The following NTM variants were observed in gnomAD, a reference collection of about 807,000 sequenced individuals.
NTM encodes IgLON family member 2.
In NTM, 13 loss-of-function variants were observed where a neutral mutation model predicts 42.1. The observed-to-expected ratio is 0.31, with a 90% CI of 0.20 to 0.49. The LOEUF (loss-of-function observed/expected upper bound fraction) is 0.49, where lower values mean the gene tolerates loss of function less well. NTM is among the 20% of genes least tolerant of loss of function. The pLI is 0.99. For missense variants in NTM, 373 were observed against 452.8 expected (o/e 0.82, Z 1.60); for synonymous variants, 187 against 179.2 (o/e 1.04, Z -0.35).
At chr11:132,331,618 A>C (rs947264198) in intron 8 of NTM, among the ~76,000 whole-genome samples, 1 of 152,214 alleles carries the variant, frequency 6.6e-6, no homozygotes, top group African/African-American at 2.4e-5. Flanking sequence ...GGCCAATGAG[A>C]TACAGACTCT....
At position 131,863,413 on chromosome 11, in the gene NTM, G is replaced by C. The variant is rs945167926; in HGVS notation, c.83-48151G>C. ...TTCTTGGGGTCCTCCTGACTCCACT[G>C]TGCAGCAGGCTGAGTGCAGTCAGAC... On this transcript the variant is annotated intron_variant, in intron 1 of 8. Transcript: ENST00000683400. 6.6e-5 allele frequency among the ~76,000 whole-genome samples: 10 copies of C among 152,150 alleles called. No homozygotes were observed. In the East Asian group the frequency reaches 1.9e-3, roughly 29 times the overall value.
At chr11:131,807,936 C>A (rs994273028) in intron 1 of NTM, among the ~76,000 whole-genome samples, 1 of 152,126 alleles carries the variant, frequency 6.6e-6, no homozygotes, top group Non-Finnish European at 1.5e-5. Flanking sequence ...CTATCACTTT[C>A]AATGTGTTGG....
chr11:131,604,241 C>A lies in NTM; in HGVS notation c.82+233353C>A, dbSNP rs117369955. 5.2e-3 allele frequency among the ~76,000 whole-genome samples: 789 copies of A among 152,252 alleles called. 6 individuals are homozygous for A. The highest frequency in any genetic ancestry group is 8.9e-3 in the Non-Finnish European group (605 of 68,010). Reference sequence around the variant, plus strand: ...CTTCCTCGTGGGTGTGAAGTGGTATCTCACTGTGGTTTTGATTTGCATTTC... The same window carrying A: ...CTTCCTCGTGGGTGTGAAGTGGTATATCACTGTGGTTTTGATTTGCATTTC... On this transcript the variant is annotated intron_variant, in intron 1 of 8. Transcript: ENST00000683400.
chr11:132,198,746 A>T (rs979033615), intron 3 of NTM, among the ~76,000 whole-genome samples: 10 of 152,224 alleles, frequency 6.6e-5, no homozygotes, highest in Non-Finnish European at 1.3e-4. Context: ...TGTGATATTT[A>T]TCAAGCATAA....
chr11:131,452,879 G>A (rs1204542285), intron 1 of NTM, among the ~76,000 whole-genome samples: 3 of 152,200 alleles, frequency 2.0e-5, no homozygotes, highest in Non-Finnish European at 2.9e-5. Flanking sequence ...CTTTCAGCAG[G>A]TGTGCAGGGC....
intron 1 of NTM, among the ~76,000 whole-genome samples, chr11:131,622,864 G>T (rs1318823545): frequency 6.6e-6 from 1 of 152,142 alleles, no homozygotes; most frequent in Non-Finnish European, 1.5e-5. Flanking sequence ...GCATTCATCT[G>T]CCAACATCAT....
At chr11:132,016,387 C>T (rs1593753776) in intron 2 of NTM, among the ~76,000 whole-genome samples, 1 of 152,038 alleles carries the variant, frequency 6.6e-6, no homozygotes, top group South Asian at 2.1e-4. Context: ...GATATGATTT[C>T]TGTATCTATA....
chr11:131,756,480 C>T (rs987023083), intron 1 of NTM, among the ~76,000 whole-genome samples: 16 of 150,960 alleles, frequency 1.1e-4, no homozygotes, highest in African/African-American at 2.9e-4. Context: ...GCCGAGATCA[C>T]GCCACTGCAC....
At chr11:131,836,661 G>C (rs961191707) in intron 1 of NTM, among the ~76,000 whole-genome samples, 1 of 152,132 alleles carries the variant, frequency 6.6e-6, no homozygotes, top group African/African-American at 2.4e-5. Context: ...AGTTGCTGCA[G>C]AAGTCAGTTA....
At chr11:132,051,128 A>T (rs1389395116) in intron 2 of NTM, among the ~76,000 whole-genome samples, 3 of 152,232 alleles carry the variant, frequency 2.0e-5, no homozygotes. Context: ...TGGTCGAGTA[A>T]CTTAATCTCT....
chr11:132,113,544 G>A (rs555038143), intron 2 of NTM, among the ~76,000 whole-genome samples: 13 of 152,210 alleles, frequency 8.5e-5, no homozygotes, highest in Admixed American at 3.9e-4. Context: ...GGATTCTCTC[G>A]CCGCACCCGC....
At chr11:131,951,865 C>G (rs1246112186) in intron 2 of NTM, among the ~76,000 whole-genome samples, 1 of 151,288 alleles carries the variant, frequency 6.6e-6, no homozygotes, top group Non-Finnish European at 1.5e-5. Context: ...ATCCACTACT[C>G]CCACCTCATA....
At chr11:131,916,868 G>A (rs758766461) in intron 2 of NTM, among the ~76,000 whole-genome samples, 9 of 152,174 alleles carry the variant, frequency 5.9e-5, no homozygotes, top group Non-Finnish European at 1.0e-4. Flanking sequence ...GCTGCAAAGC[G>A]TTTCCTCTTG....
At chr11:132,253,749 C>T (rs1476195721) in intron 4 of NTM, among the ~76,000 whole-genome samples, 2 of 152,298 alleles carry the variant, frequency 1.3e-5, no homozygotes, top group Non-Finnish European at 2.9e-5. Flanking sequence ...TCCCCCTCCT[C>T]TCAGAGACTG....
At chr11:131,376,667 AT>A (rs33999798) in intron 1 of NTM, among the ~76,000 whole-genome samples, 76,843 of 145,144 alleles carry the variant, frequency 0.53, 20,016 homozygotes, top group Admixed American at 0.59. Context: ...ACTAAATTTG[AT>A]TTTTTTTTTT....
intron 1 of NTM, chr11:131,661,262 A>T (rs896475099): frequency 3.3e-6 from 1 of 301,982 alleles, no homozygotes; most frequent in South Asian, 3.6e-5. Context: ...GTTCCAAGTC[A>T]GAAAGGATTT....
At chr11:131,598,763 TTTTTTTCTTTCTTTCTTTC>T (rs2060107367) in intron 1 of NTM, among the ~76,000 whole-genome samples, 1 of 47,518 alleles carries the variant, frequency 2.1e-5, no homozygotes, top group African/African-American at 6.2e-5. Flanking sequence ...TTCTTCTTTC[TTTTTTTCTTTCTTTCTTTC>T]TTCTTTCTTT....
At chr11:132,028,633 G>C (rs561319794) in intron 2 of NTM, among the ~76,000 whole-genome samples, 1 of 152,106 alleles carries the variant, frequency 6.6e-6, no homozygotes, top group Non-Finnish European at 1.5e-5. Context: ...CCCCTGCGCC[G>C]TGAGCTTCAC....
chr11:131,854,683 G>A (rs1275912618), intron 1 of NTM, among the ~76,000 whole-genome samples: 1 of 152,110 alleles, frequency 6.6e-6, no homozygotes, highest in Non-Finnish European at 1.5e-5. Context: ...TAAGGAGTTT[G>A]GATTTTGTTT....
Sources: allele counts gnomAD v4.1 joint callset (sites outside exome capture counted in the v4.1 genomes callset), GRCh38; gene constraint gnomAD v4.1.1; transcripts MANE v1.5; gene names NCBI Gene and HGNC (gene_info 2026-07-23, HGNC 2026-07-21).